Variants in DNAAF4 observed in about 807,000 individuals in gnomAD.
DNAAF4 encodes dynein axonemal assembly factor 4.
In DNAAF4, 43 loss-of-function variants were observed where a neutral mutation model predicts 51.8. That is an observed-to-expected ratio of 0.83 (90% CI 0.65 to 1.07). The LOEUF is 1.07. Among genes scored for constraint, DNAAF4 ranks in the 50% least tolerant of loss-of-function variants. The probability of loss-of-function intolerance (pLI) is 0.00; values close to 1 mark genes in which losing one functional copy is unlikely to be tolerated. For synonymous variants in DNAAF4, 194 were observed against 165.6 expected (o/e 1.17, Z -1.32); for missense variants, 581 against 493.0 (o/e 1.18, Z -1.69).
intron 4 of DNAAF4, among the ~76,000 whole-genome samples, chr15:55,468,035 A>G (rs1279987027): frequency 6.6e-6 from 1 of 152,170 alleles, no homozygotes. Flanking sequence ...TATCCAATAT[A>G]GTAGCCACTA....
rs535132469 is a variant in DNAAF4 at position 55,446,079 on chromosome 15, C to T, written c.783+4143G>A. Among the ~76,000 whole-genome samples the T allele has an allele frequency of 3.4e-3, 464 of 134,622 alleles. 2 individuals are homozygous for T. Among genetic ancestry groups the T allele is most frequent in the African/African-American group, 0.013 (441 of 35,090 alleles). 88.3% of individuals were successfully genotyped at this position (134,622 alleles called of 152,430 possible). On this transcript the variant is annotated intron_variant, in intron 6 of 9. Transcript: ENST00000321149. Reference sequence around the variant, plus strand: ...CCCCGCTTCCCAGATGGGGTGGCGGCCGGGCAGAGGCGCTCCTCACATCCC... The same window carrying T: ...CCCCGCTTCCCAGATGGGGTGGCGGTCGGGCAGAGGCGCTCCTCACATCCC...
intron 7 of DNAAF4, 39 bp from the exon 8 acceptor site, chr15:55,435,097 T>C (rs1366091563): frequency 1.5e-5 from 24 of 1,554,056 alleles, no homozygotes; most frequent in African/African-American, 2.8e-5. Flanking sequence ...CAATTTAACA[T>C]TGAAACAGAA....
At chr15:55,497,669 G>GT (rs752143788) in intron 3 of DNAAF4, 43 bp downstream of exon 3, 1 of 1,559,950 alleles carries the variant, frequency 6.4e-7, no homozygotes, top group Non-Finnish European at 8.6e-7. Context: ...GTCTGAAACC[G>GT]AAAAGGTACA....
intron 7 of DNAAF4, among the ~76,000 whole-genome samples, chr15:55,424,214 C>T (rs953121589): frequency 1.3e-5 from 2 of 152,144 alleles, no homozygotes; most frequent in Middle Eastern, 3.2e-3. Context: ...AGTTCAGCCC[C>T]CTTTTCCTTT....
At chr15:55,434,615 T>A (rs949604906) in intron 8 of DNAAF4, among the ~76,000 whole-genome samples, 1 of 152,086 alleles carries the variant, frequency 6.6e-6, no homozygotes, top group Non-Finnish European at 1.5e-5. Flanking sequence ...GGAGGATAGC[T>A]TGAGCCCAGG....
intron 5 of DNAAF4, among the ~76,000 whole-genome samples, chr15:55,456,832 A>C (rs2141477966): frequency 6.6e-6 from 1 of 152,360 alleles, no homozygotes; most frequent in Admixed American, 6.5e-5. Context: ...TGAAAGTAGA[A>C]GAAGCAGCAG....
intron 4 of DNAAF4, among the ~76,000 whole-genome samples, chr15:55,484,440 G>A (rs535126737): frequency 5.4e-5 from 8 of 148,430 alleles, no homozygotes; most frequent in South Asian, 2.1e-4. Context: ...AGCCGAGATC[G>A]CACCACTGCA....
In DNAAF4 at chr15:55,482,846, T is replaced by G. The variant is rs1200999847; in HGVS notation, c.405+8277A>C. 2.6e-5 allele frequency among the ~76,000 whole-genome samples: 4 copies of G among 152,196 alleles called. No homozygotes were observed. In the South Asian group the frequency reaches 8.3e-4, roughly 31 times the overall value. On this transcript the variant is annotated intron_variant, in intron 4 of 9. Transcript: ENST00000321149. ...TGCCATCCATACTATGCCATATTAT[T>G]CATCCATAAAAAGGAATGAAAAACT...
intron 4 of DNAAF4, among the ~76,000 whole-genome samples, chr15:55,471,403 C>T (rs1224029967): frequency 6.6e-6 from 1 of 152,126 alleles, no homozygotes; most frequent in Non-Finnish European, 1.5e-5. Flanking sequence ...GAACCTAGCA[C>T]CCCATCACTC....
intron 9 of DNAAF4, 58 bp from the exon 10 acceptor site, chr15:55,430,837 A>C: frequency 7.5e-7 from 1 of 1,331,346 alleles, no homozygotes; most frequent in Non-Finnish European, 1.1e-6. Flanking sequence ...CACTTCTTTT[A>C]TCTAGACAAT....
intron 4 of DNAAF4, among the ~76,000 whole-genome samples, chr15:55,484,979 G>A (rs1051179278): frequency 1.9e-4 from 29 of 152,032 alleles, no homozygotes; most frequent in Non-Finnish European, 3.2e-4. Context: ...CAACACCCTC[G>A]CAGACACACC....
chr15:55,503,064 TA>T (rs2058707985), intron 1 of DNAAF4, among the ~76,000 whole-genome samples: 1 of 151,790 alleles, frequency 6.6e-6, no homozygotes, highest in African/African-American at 2.4e-5. Flanking sequence ...AAGAATCAAA[TA>T]GACGCAATAA....
At chr15:55,487,357 A>C (rs953444192) in intron 4 of DNAAF4, among the ~76,000 whole-genome samples, 1 of 151,912 alleles carries the variant, frequency 6.6e-6, no homozygotes, top group African/African-American at 2.4e-5. Context: ...TGTTTAGCTT[A>C]ACAATTGTAA....
At chr15:55,442,966 A>G (rs1347988482) in intron 6 of DNAAF4, 2 of 1,611,302 alleles carry the variant, frequency 1.2e-6, no homozygotes, top group East Asian at 2.2e-5. Flanking sequence ...CCTTTTCTCA[A>G]CGTCATTGTA....
intron 7 of DNAAF4, chr15:55,418,506 C>A: frequency 6.6e-7 from 1 of 1,526,708 alleles, no homozygotes; most frequent in Non-Finnish European, 8.8e-7. Context: ...CAAAATAACA[C>A]TCTAAATACT....
chr15:55,422,028 C>T (rs1309872111), intron 7 of DNAAF4, among the ~76,000 whole-genome samples: 1 of 150,724 alleles, frequency 6.6e-6, no homozygotes, highest in East Asian at 1.9e-4. Context: ...GAAAACAGAC[C>T]AAAAAGCATG....
intron 1 of DNAAF4, 94 bp downstream of exon 1, chr15:55,508,027 GT>G (rs952901323): frequency 6.6e-6 from 1 of 152,120 alleles, no homozygotes; most frequent in Non-Finnish European, 1.5e-5. Context: ...AGCAATCTGT[GT>G]TTTATCCAGC....
At position 55,469,552 on chromosome 15, in the gene DNAAF4, G is replaced by C. The variant is rs1203804067; in HGVS notation, c.406-2391C>G. ...GGCTGGAGTGCAGTGGCGCAATCTC[G>C]GCTCACTGCAAGCTCCGCCTCCTGG... On this transcript the variant is annotated intron_variant, in intron 4 of 9. Coordinates refer to ENST00000321149, the MANE Select transcript of DNAAF4 (RefSeq NM_130810.4). 2.6e-5 allele frequency among the ~76,000 whole-genome samples: 3 copies of C among 117,190 alleles called. No homozygotes were observed. In the East Asian group the frequency reaches 9.1e-4, roughly 36 times the overall value. The allele number at this position is 117,190 out of a possible 152,430, so 76.9% of individuals were successfully genotyped here.
intron 4 of DNAAF4, among the ~76,000 whole-genome samples, chr15:55,468,507 G>T (rs1595926047): frequency 6.6e-6 from 1 of 152,108 alleles, no homozygotes; most frequent in South Asian, 2.1e-4. Context: ...TCTACACATG[G>T]CAATGAAACA....
Sources: allele counts gnomAD v4.1 joint callset (sites outside exome capture counted in the v4.1 genomes callset), GRCh38; gene constraint gnomAD v4.1.1; transcripts MANE v1.5; gene names NCBI Gene and HGNC (gene_info 2026-07-23, HGNC 2026-07-21).